MSH3: variants seen among roughly 807,000 people sequenced by gnomAD.
The protein encoded by MSH3 is DNA mismatch repair protein Msh3.
In MSH3, 106 loss-of-function variants were observed where a neutral mutation model predicts 123.3. The observed-to-expected ratio is 0.86, with a 90% CI of 0.73 to 1.01. The LOEUF is 1.01. MSH3 is among the 50% of genes least tolerant of loss of function. The pLI is 0.00. For missense variants in MSH3, 1,459 were observed against 1,347.6 expected, an observed-to-expected ratio of 1.08 and a Z score of -1.29; for synonymous variants, 515 against 481.4, an observed-to-expected ratio of 1.07 and a Z score of -0.91.
At chr5:80,867,814 G>T (rs554119176) in intron 22 of MSH3, among the ~76,000 whole-genome samples, 2 of 152,106 alleles carry the variant, frequency 1.3e-5, no homozygotes, top group Non-Finnish European at 1.5e-5. Context: ...ATAGATGGTG[G>T]ATATTAGACC....
chr5:80,876,273 C>T lies in MSH3; in HGVS notation c.*411C>T, dbSNP rs1746305779. ...AACTAAAATAATTTTATTATGCAAC[C>T]AGTTTATCCACCAAGAACATAAGAA... is the stretch of plus-strand genomic sequence containing the variant. On this transcript the variant is annotated 3_prime_UTR_variant, in exon 24 of 24. Coordinates refer to ENST00000265081, the MANE Select transcript of MSH3 (RefSeq NM_002439.5). 4.3e-6 allele frequency: 1 copy of T among 231,488 alleles called. No homozygotes were observed. Among genetic ancestry groups the T allele is most frequent in the South Asian group, 1.2e-4 (1 of 8,002 alleles). 14.3% of individuals were successfully genotyped at this position (231,488 alleles called of 1,614,324 possible).
intron 8 of MSH3, among the ~76,000 whole-genome samples, chr5:80,692,446 G>C (rs1394472990): frequency 7.8e-5 from 3 of 38,624 alleles, no homozygotes; most frequent in Non-Finnish European, 8.3e-5. Flanking sequence ...ACATGTATAT[G>C]TTTAGATAGA....
Position 80,665,244 on chromosome 5 carries a change from G to A in MSH3, c.460G>A (p.Glu154Lys), listed in dbSNP as rs771370664. The stretch of plus-strand genomic sequence containing the variant: ...CCTTCCTCAAAGTAGAGTCCAGACA[G>A]AATCTCTGCAGGAGAGATTTGCAGT... ...SALPQSRVQT[E>K]SLQERFAVLP... The change falls in exon 3 of 24, where the codon GAA becomes AAA. Residue 154 changes from glutamate to lysine, a missense_variant. Physicochemically the swap from Glu to Lys is moderately conservative, Grantham distance 56. Transcript: ENST00000265081. The A allele has an allele frequency of 2.5e-6, 4 of 1,613,946 alleles. 1 individual carries two copies. In the South Asian group the frequency reaches 4.4e-5, roughly 18 times the overall value.
At chr5:80,791,802 G>A (rs1193389578) in intron 18 of MSH3, among the ~76,000 whole-genome samples, 1 of 152,168 alleles carries the variant, frequency 6.6e-6, no homozygotes, top group Non-Finnish European at 1.5e-5. Flanking sequence ...CACAACGAGT[G>A]TGATGCATAC....
chr5:80,831,589 A>T (rs973127505), intron 20 of MSH3, among the ~76,000 whole-genome samples: 30 of 151,754 alleles, frequency 2.0e-4, no homozygotes, highest in Admixed American at 1.2e-3. Context: ...CTTGGACTTT[A>T]GTTTTTTGGG....
chr5:80,712,597 G>C (rs141244469), intron 8 of MSH3, among the ~76,000 whole-genome samples: 3 of 151,806 alleles, frequency 2.0e-5, no homozygotes, highest in African/African-American at 7.3e-5. Context: ...GAATTTTGGG[G>C]TTTTTTTCCC....
intron 10 of MSH3, among the ~76,000 whole-genome samples, chr5:80,738,502 C>T (rs757867277): frequency 2.0e-5 from 3 of 152,114 alleles, no homozygotes; most frequent in Non-Finnish European, 2.9e-5. Context: ...CTTTCAGAAT[C>T]CGAAGCCTAA....
chr5:80,785,506 G>A (rs1318688001), intron 17 of MSH3, among the ~76,000 whole-genome samples: 1 of 152,134 alleles, frequency 6.6e-6, no homozygotes, highest in Non-Finnish European at 1.5e-5. Flanking sequence ...TACACTGTTG[G>A]TGGGACTGTA....
In MSH3 at chr5:80,679,073, C is replaced by A. The variant is rs61749609; in HGVS notation, c.1320C>A (p.Ile440=). ...SALSEQTEAL[I]HRATSVSVQD... ...TGTCCGAGCAAACAGAGGCGCTCAT[C>A]CACAGAGCCACATCTGTTAGGTAAG... The change falls in exon 8 of 24, where the codon ATC becomes ATA. Residue 440 remains isoleucine, a synonymous_variant. Coordinates refer to ENST00000265081, the MANE Select transcript of MSH3 (RefSeq NM_002439.5). 1.2e-6 allele frequency: 2 copies of A among 1,613,988 alleles called. No individual in the cohort carries two copies. Among genetic ancestry groups the A allele is most frequent in the Non-Finnish European group, 1.7e-6 (2 of 1,179,974 alleles).
At chr5:80,672,409 CAG>C (rs1166471451) in intron 5 of MSH3, 49 bp downstream of exon 5, 17 of 1,355,258 alleles carry the variant, frequency 1.3e-5, no homozygotes, top group East Asian at 2.3e-5. Flanking sequence ...GATTCTCCTC[CAG>C]AGAGTGCAAA....
chr5:80,704,232 A>T (rs1206379251), intron 8 of MSH3, among the ~76,000 whole-genome samples: 1 of 152,158 alleles, frequency 6.6e-6, no homozygotes, highest in Non-Finnish European at 1.5e-5. Flanking sequence ...CCCAGGTCCT[A>T]CAAGGTCCTC....
intron 15 of MSH3, among the ~76,000 whole-genome samples, chr5:80,775,061 G>T (rs923199069): frequency 4.6e-5 from 7 of 152,100 alleles, no homozygotes; most frequent in African/African-American, 1.7e-4. Context: ...ACTATCTCAT[G>T]TAACCAATAA....
intron 20 of MSH3, among the ~76,000 whole-genome samples, chr5:80,853,606 C>A (rs977438949): frequency 3.3e-5 from 5 of 152,082 alleles, no homozygotes; most frequent in Admixed American, 6.5e-5. Flanking sequence ...CTTTAGGAAC[C>A]TGTATTAGCT....
intron 5 of MSH3, 123 bp downstream of exon 5, chr5:80,672,483 G>C: frequency 1.3e-6 from 1 of 763,580 alleles, no homozygotes. Flanking sequence ...TTACAGAACT[G>C]AAAGTGTTTC....
chr5:80,745,779 G>A (rs1181360161), intron 12 of MSH3, among the ~76,000 whole-genome samples: 1 of 152,192 alleles, frequency 6.6e-6, no homozygotes, highest in Non-Finnish European at 1.5e-5. Context: ...ACACCACACA[G>A]TATGCTAGGA....
intron 17 of MSH3, among the ~76,000 whole-genome samples, chr5:80,782,074 A>G (rs898917103): frequency 2.0e-5 from 3 of 152,184 alleles, no homozygotes; most frequent in Non-Finnish European, 2.9e-5. Flanking sequence ...TTATTATTGT[A>G]TTACTAATAT....
At chr5:80,659,091 G>T (rs778037719) in intron 2 of MSH3, among the ~76,000 whole-genome samples, 1 of 152,046 alleles carries the variant, frequency 6.6e-6, no homozygotes, top group South Asian at 2.1e-4. Flanking sequence ...AAAATTAGCC[G>T]GATGTGGTGG....
rs192139011 is a variant in MSH3 at position 80,872,315 on chromosome 5, A to C, written c.3131-801A>C. Among the ~76,000 whole-genome samples the C allele has an allele frequency of 1.4e-3, 214 of 151,908 alleles. 1 individual carries two copies. Among genetic ancestry groups the C allele is most frequent in the African/African-American group, 5.0e-3 (208 of 41,404 alleles). ...CCAAAACCCCATCTCTACAAAAAAA[A>C]AATTAGCTAGGTGTGGTAGTATGCA... On this transcript the variant is annotated intron_variant, in intron 22 of 23. Transcript: ENST00000265081.
At chr5:80,771,139 A>G (rs1287005792) in intron 15 of MSH3, among the ~76,000 whole-genome samples, 2 of 152,158 alleles carry the variant, frequency 1.3e-5, no homozygotes, top group Non-Finnish European at 2.9e-5. Flanking sequence ...AAATAATTCT[A>G]TTCATTGGAA....
Sources: gnomAD v4.1 joint callset for allele counts (sites outside exome capture counted in the v4.1 genomes callset) on GRCh38, gnomAD v4.1.1 for gene constraint, MANE v1.5 for transcripts, NCBI Gene and HGNC (gene_info 2026-07-23, HGNC 2026-07-21) for gene names.